The following HDAC9 variants were observed in gnomAD, a reference collection of about 807,000 sequenced individuals.
HDAC9 encodes histone deacetylase 9.
Under a neutral mutation model 139.4 loss-of-function variants are expected in HDAC9, and 41 were observed. That is an observed-to-expected ratio of 0.29 (90% confidence interval 0.23 to 0.38). The LOEUF (loss-of-function observed/expected upper bound fraction) is 0.38. HDAC9 is among the 10% of genes least tolerant of loss of function. The pLI, the probability that HDAC9 is intolerant of heterozygous loss-of-function variation, is 1.00. For synonymous variants in HDAC9, 517 were observed against 476.2 expected (o/e 1.09, Z -1.12); for missense variants, 1,147 against 1,297.0 (o/e 0.88, Z 1.78).
At chr7:18,702,603 T>G (rs1783579244) in intron 12 of HDAC9, among the ~76,000 whole-genome samples, 1 of 152,084 alleles carries the variant, frequency 6.6e-6, no homozygotes. Context: ...ACAAGCTAAT[T>G]AGGAATAAAG....
At chr7:18,815,391 A>G (rs931249020) in intron 17 of HDAC9, among the ~76,000 whole-genome samples, 1 of 152,178 alleles carries the variant, frequency 6.6e-6, no homozygotes, top group Non-Finnish European at 1.5e-5. Flanking sequence ...TCAATGGGTT[A>G]TTATTGCCTT....
intron 6 of HDAC9, among the ~76,000 whole-genome samples, chr7:18,619,231 C>G (rs918777524): frequency 1.3e-5 from 2 of 152,118 alleles, no homozygotes; most frequent in Non-Finnish European, 2.9e-5. Flanking sequence ...ATCTATGAGA[C>G]CTCTTGCCAT....
chr7:18,743,506 A>C (rs1051262663), intron 13 of HDAC9, among the ~76,000 whole-genome samples: 14 of 152,088 alleles, frequency 9.2e-5, no homozygotes, highest in Non-Finnish European at 1.8e-4. Context: ...TAAAAATTAC[A>C]CTGTTTGGTA....
chr7:18,532,295 T>G (rs2128238359), intron 2 of HDAC9, among the ~76,000 whole-genome samples: 1 of 152,008 alleles, frequency 6.6e-6, no homozygotes, highest in South Asian at 2.1e-4. Context: ...CACAAAGAAT[T>G]AAAATACTTC....
intron 1 of HDAC9, among the ~76,000 whole-genome samples, chr7:18,461,687 C>T (rs868039271): frequency 3.9e-5 from 6 of 152,226 alleles, no homozygotes; most frequent in Middle Eastern, 6.8e-3. Flanking sequence ...TTGTCATTGC[C>T]TACCTTTATC....
At chr7:18,515,977 ACTT>A (rs1424094655) in intron 2 of HDAC9, among the ~76,000 whole-genome samples, 2 of 152,234 alleles carry the variant, frequency 1.3e-5, no homozygotes, top group Non-Finnish European at 2.9e-5. Flanking sequence ...GGGAAGAAGA[ACTT>A]CTTTTCATTC....
chr7:18,209,039 C>T (rs753012721), intron 2 of HDAC9, among the ~76,000 whole-genome samples: 1 of 152,126 alleles, frequency 6.6e-6, no homozygotes, highest in Non-Finnish European at 1.5e-5. Flanking sequence ...TTACCTTTTT[C>T]AAATTTTATT....
At chr7:18,773,997 T>G (rs1267458802) in intron 16 of HDAC9, among the ~76,000 whole-genome samples, 2 of 151,950 alleles carry the variant, frequency 1.3e-5, no homozygotes, top group Non-Finnish European at 2.9e-5. Context: ...AACAGTTTTT[T>G]TTTCAAAATT....
At chr7:18,954,075 T>G in intron 23 of HDAC9, 71 bp from the exon 24 acceptor site, 1 of 1,033,788 alleles carries the variant, frequency 9.7e-7, no homozygotes, top group Non-Finnish European at 1.4e-6. Context: ...TGTTTCAGTT[T>G]GCTTTGCTTC....
rs372313365 is a variant in HDAC9, at chr7:18,867,381, A to G, written c.2685-7097A>G. On this transcript the variant is annotated intron_variant, in intron 21 of 25. Transcript: ENST00000686413. The stretch of plus-strand genomic sequence containing the variant: ...TCTTTGATGCACTTTCTTGCTTTGC[A>G]AAAGTACATTGTCAAGTAAGTTATT... Among the ~76,000 whole-genome samples, 69 of 152,304 alleles carry G rather than the reference A, an allele frequency of 4.5e-4. 1 individual carries two copies. The highest frequency in any genetic ancestry group is 1.6e-3 in the African/African-American group (66 of 41,572).
intron 2 of HDAC9, among the ~76,000 whole-genome samples, chr7:18,205,091 AT>A (rs1791402663): frequency 6.6e-6 from 1 of 151,958 alleles, no homozygotes; most frequent in African/African-American, 2.4e-5. Flanking sequence ...ATGATAGTAT[AT>A]GGCATACATT....
chr7:18,256,181 T>G (rs1178264119), intron 2 of HDAC9, among the ~76,000 whole-genome samples: 1 of 152,164 alleles, frequency 6.6e-6, no homozygotes, highest in Non-Finnish European at 1.5e-5. Context: ...GCCCCGTATT[T>G]TAGGGTTCCT....
intron 21 of HDAC9, among the ~76,000 whole-genome samples, chr7:18,872,447 A>G (rs1187660511): frequency 6.6e-6 from 1 of 152,172 alleles, no homozygotes; most frequent in East Asian, 1.9e-4. Flanking sequence ...CTTTATTAAC[A>G]AAATATTTGC....
intron 1 of HDAC9, among the ~76,000 whole-genome samples, chr7:18,144,513 T>C (rs1786151759): frequency 6.6e-6 from 1 of 152,142 alleles, no homozygotes; most frequent in Non-Finnish European, 1.5e-5. Context: ...CTTTCTCTCT[T>C]ATTTGGAATT....
intron 25 of HDAC9, among the ~76,000 whole-genome samples, chr7:18,983,803 T>C (rs1785114565): frequency 6.6e-6 from 1 of 152,172 alleles, no homozygotes; most frequent in Non-Finnish European, 1.5e-5. Flanking sequence ...TGTGGAGTGA[T>C]ATTTCATTGT....
At chr7:18,559,293 C>T (rs1563276261) in intron 2 of HDAC9, among the ~76,000 whole-genome samples, 1 of 152,094 alleles carries the variant, frequency 6.6e-6, no homozygotes, top group Admixed American at 6.5e-5. Context: ...CATACACACA[C>T]CTTCGTCCTG....
chr7:18,100,121 A>G (rs990563697), intron 1 of HDAC9, among the ~76,000 whole-genome samples: 1 of 152,130 alleles, frequency 6.6e-6, no homozygotes, highest in African/African-American at 2.4e-5. Flanking sequence ...TTCTTTTAAT[A>G]GTTTAAAGAT....
intron 17 of HDAC9, among the ~76,000 whole-genome samples, chr7:18,810,709 G>GT (rs1254530474): frequency 5.3e-5 from 8 of 151,776 alleles, no homozygotes; most frequent in Admixed American, 1.3e-4. Flanking sequence ...ACACTGATCT[G>GT]TTTTTTCATC....
intron 17 of HDAC9, among the ~76,000 whole-genome samples, chr7:18,819,104 ACTCTGT>A (rs1408039435): frequency 2.6e-5 from 4 of 152,010 alleles, no homozygotes; most frequent in African/African-American, 9.7e-5. Context: ...ACATGGCAAA[ACTCTGT>A]CTCTACTAAA....
Sources: gnomAD v4.1 joint callset for allele counts (sites outside exome capture counted in the v4.1 genomes callset) on GRCh38, gnomAD v4.1.1 for gene constraint, MANE v1.5 for transcripts, NCBI Gene and HGNC (gene_info 2026-07-23, HGNC 2026-07-21) for gene names.